Variants in PARD3 observed in about 807,000 individuals in gnomAD.
The protein encoded by PARD3 is partitioning defective 3 homolog.
A neutral mutation model predicts 155.4 loss-of-function variants in PARD3; 75 were observed. The ratio of observed to expected loss-of-function variants is 0.48; its 90% CI spans 0.40 to 0.58. PARD3 has a LOEUF of 0.58. Among genes scored for constraint, PARD3 ranks in the 20% least tolerant of loss-of-function variants. The pLI is 0.00. For missense variants in PARD3, 1,642 were observed against 1,721.7 expected, an observed-to-expected ratio of 0.95 and a Z score of 0.82; for synonymous variants, 576 against 610.5, an observed-to-expected ratio of 0.94 and a Z score of 0.83.
intron 2 of PARD3, among the ~76,000 whole-genome samples, chr10:34,572,447 C>T (rs529378005): frequency 1.4e-4 from 21 of 152,150 alleles, no homozygotes; most frequent in African/African-American, 5.1e-4. Flanking sequence ...TAAGACCAGC[C>T]TGGCCAACAT....
In PARD3 at chr10:34,659,767, G is replaced by T. The variant is rs964494859; in HGVS notation, c.222+36551C>A. On this transcript the variant is annotated intron_variant, in intron 2 of 24. Transcript: ENST00000374788. ...AATTCATACCACCTGACTCAGTAAAGCCTTACTTCTCTTCTTCCTGTAGTG... is the reference window on the plus strand; with the variant it reads ...AATTCATACCACCTGACTCAGTAAATCCTTACTTCTCTTCTTCCTGTAGTG... 1.6e-4 allele frequency among the ~76,000 whole-genome samples: 24 copies of T among 152,140 alleles called. 1 individual carries two copies. The highest frequency in any genetic ancestry group is 2.9e-4 in the Non-Finnish European group (20 of 68,032).
chr10:34,264,134 A>G (rs1419521592), intron 22 of PARD3, among the ~76,000 whole-genome samples: 1 of 152,224 alleles, frequency 6.6e-6, no homozygotes, highest in East Asian at 1.9e-4. Flanking sequence ...GAGTACCCAC[A>G]CAACCAATCT....
chr10:34,466,580 T>C (rs537247450), intron 4 of PARD3, among the ~76,000 whole-genome samples: 1 of 152,280 alleles, frequency 6.6e-6, no homozygotes, highest in African/African-American at 2.4e-5. Flanking sequence ...CCACTAGAGA[T>C]CACTAAATCA....
intron 22 of PARD3, among the ~76,000 whole-genome samples, chr10:34,180,288 G>A (rs1187667889): frequency 6.6e-6 from 1 of 152,082 alleles, no homozygotes; most frequent in Non-Finnish European, 1.5e-5. Flanking sequence ...CTCATGATCC[G>A]CCTGCCTCAG....
chr10:34,382,108 A>C (rs930386355), intron 9 of PARD3, among the ~76,000 whole-genome samples: 3 of 152,084 alleles, frequency 2.0e-5, no homozygotes, highest in African/African-American at 7.2e-5. Flanking sequence ...AAATACTGAG[A>C]TTGACGTGCA....
rs1208589314 is a variant in PARD3 at position 34,430,770 on chromosome 10, T to C, written c.714+19547A>G. On this transcript the variant is annotated intron_variant, in intron 5 of 24. Coordinates refer to ENST00000374788, the MANE Select transcript of PARD3 (RefSeq NM_001184785.2). ...CTGCATAAGGAAGAAAGAGGCAATT[T>C]CCCCAATTATCCAGATGAGGAAATG... Among the ~76,000 whole-genome samples the C allele has an allele frequency of 2.0e-5, 3 of 152,176 alleles. No individual in the cohort carries two copies. The East Asian group carries it at 5.8e-4, about 29-fold the overall frequency.
At chr10:34,533,815 CA>C (rs201546431) in intron 2 of PARD3, among the ~76,000 whole-genome samples, 28 of 145,712 alleles carry the variant, frequency 1.9e-4, no homozygotes, top group Middle Eastern at 7.4e-3. Flanking sequence ...AAAAAAACAA[CA>C]AAAAAAAACA....
chr10:34,306,690 C>A (rs1377758237), intron 20 of PARD3, among the ~76,000 whole-genome samples: 1 of 152,130 alleles, frequency 6.6e-6, no homozygotes, highest in African/African-American at 2.4e-5. Context: ...TGACGTAGAT[C>A]CATGGAGCAT....
chr10:34,581,031 A>G (rs2087401299), intron 2 of PARD3, among the ~76,000 whole-genome samples: 1 of 152,222 alleles, frequency 6.6e-6, no homozygotes, highest in African/African-American at 2.4e-5. Flanking sequence ...AACGAAATAC[A>G]GGTATCAAGC....
chr10:34,752,856 G>C (rs914642932), intron 1 of PARD3, among the ~76,000 whole-genome samples: 1 of 152,210 alleles, frequency 6.6e-6, no homozygotes, highest in African/African-American at 2.4e-5. Flanking sequence ...GGGGCTGTGT[G>C]CGAATACCTC....
At chr10:34,409,705 C>A (rs992902227) in intron 5 of PARD3, among the ~76,000 whole-genome samples, 5 of 152,162 alleles carry the variant, frequency 3.3e-5, no homozygotes, top group Non-Finnish European at 5.9e-5. Flanking sequence ...TTTATTCAGA[C>A]TAATCAATCT....
chr10:34,345,486 C>T, intron 15 of PARD3: 1 of 985,096 alleles, frequency 1.0e-6, no homozygotes, highest in Non-Finnish European at 1.2e-6. Context: ...AATACCTCAA[C>T]CTCCACTAAT....
At chr10:34,402,615 G>T (rs140737037) in intron 5 of PARD3, among the ~76,000 whole-genome samples, 1 of 152,300 alleles carries the variant, frequency 6.6e-6, no homozygotes, top group Non-Finnish European at 1.5e-5. Flanking sequence ...ACAAGCTAAA[G>T]TAACAAAGTA....
chr10:34,475,676 G>C (rs1291038292), intron 3 of PARD3, among the ~76,000 whole-genome samples: 1 of 152,128 alleles, frequency 6.6e-6, no homozygotes, highest in Non-Finnish European at 1.5e-5. Context: ...CTTTATTTCA[G>C]AAAATCACAT....
At chr10:34,128,823 T>C (rs186997311) in intron 23 of PARD3, among the ~76,000 whole-genome samples, 33 of 152,328 alleles carry the variant, frequency 2.2e-4, no homozygotes, top group African/African-American at 7.5e-4. Flanking sequence ...GTCTAGACTT[T>C]AGAACAGTGA....
chr10:34,791,871 G>C (rs971613349), intron 1 of PARD3, among the ~76,000 whole-genome samples: 2 of 151,188 alleles, frequency 1.3e-5, no homozygotes, highest in Non-Finnish European at 2.9e-5. Context: ...TCAGGACACT[G>C]CCTGAGACCC....
intron 1 of PARD3, among the ~76,000 whole-genome samples, chr10:34,733,481 G>C (rs1448882373): frequency 2.0e-5 from 3 of 152,112 alleles, no homozygotes; most frequent in Non-Finnish European, 2.9e-5. Flanking sequence ...AACATGATTA[G>C]AGTTTTGTTT....
rs74134124 is a variant in PARD3 at position 34,403,634 on chromosome 10, T to A, written c.715-1717A>T. Among the ~76,000 whole-genome samples, 1,152 of 152,300 alleles carry A rather than the reference T, an allele frequency of 7.6e-3. 14 individuals carry two copies. Among genetic ancestry groups the A allele is most frequent in the African/African-American group, 0.026 (1,097 of 41,564 alleles). ...GCTTTGTGGATGGTGGAGCTCTGCA[T>A]GAAGCCAGGCTATTTGATTGATGAT... On this transcript the variant is annotated intron_variant, in intron 5 of 24. Transcript: ENST00000374788.
chr10:34,373,966 C>T (rs1470670982), intron 11 of PARD3, among the ~76,000 whole-genome samples: 1 of 152,126 alleles, frequency 6.6e-6, no homozygotes, highest in Admixed American at 6.5e-5. Context: ...AAAACCTTGT[C>T]ACTCTAGATT....
Sources: allele counts gnomAD v4.1 joint callset (sites outside exome capture counted in the v4.1 genomes callset), GRCh38; gene constraint gnomAD v4.1.1; transcripts MANE v1.5; gene names NCBI Gene and HGNC (gene_info 2026-07-23, HGNC 2026-07-21).